ITPR2: variants seen among roughly 807,000 people sequenced by gnomAD.
The protein encoded by ITPR2 is inositol 1,4,5-trisphosphate-gated calcium channel ITPR2.
In ITPR2, 207 loss-of-function variants were observed where a neutral mutation model predicts 317.1. The ratio of observed to expected loss-of-function variants is 0.65; its 90% CI spans 0.58 to 0.73. The LOEUF is 0.73. Among genes scored for constraint, ITPR2 ranks in the 30% least tolerant of loss-of-function variants. ITPR2 has a pLI of 0.00. For synonymous variants in ITPR2, 1,156 were observed against 1,149.1 expected, an observed-to-expected ratio of 1.01 and a Z score of -0.12; for missense variants, 2,613 against 3,284.0, an observed-to-expected ratio of 0.80 and a Z score of 4.99.
intron 45 of ITPR2, among the ~76,000 whole-genome samples, chr12:26,473,117 C>T (rs1405002153): frequency 6.6e-6 from 1 of 152,194 alleles, no homozygotes; most frequent in African/African-American, 2.4e-5. Flanking sequence ...GAACTCCTGA[C>T]TTCAAGTGAT....
At chr12:26,693,948 G>T (rs1425901948) in intron 10 of ITPR2, among the ~76,000 whole-genome samples, 1 of 152,098 alleles carries the variant, frequency 6.6e-6, no homozygotes, top group Non-Finnish European at 1.5e-5. Context: ...TTACACAGGT[G>T]GGGAAACTGA....
In ITPR2 at chr12:26,831,064, C is replaced by T. The variant is rs947144310; in HGVS notation, c.92+1626G>A. 3.9e-5 allele frequency among the ~76,000 whole-genome samples: 6 copies of T among 152,144 alleles called. No homozygotes were observed. The highest frequency in any genetic ancestry group is 5.9e-5 in the Non-Finnish European group (4 of 68,022). ...TGGAACCCCCTCTGCTTAACTACTA[C>T]ATCACACACACACACCTGGAGAGTC... is the stretch of plus-strand genomic sequence containing the variant. On this transcript the variant is annotated intron_variant, in intron 1 of 56. Coordinates refer to ENST00000381340, the MANE Select transcript of ITPR2 (RefSeq NM_002223.4). This position sits in a 1 kb window ranked among gnomAD's most constrained non-coding sequence, Gnocchi z 4.9.
chr12:26,716,383 TC>T (rs1231824034), intron 5 of ITPR2, 141 bp from the exon 6 acceptor site: 2 of 586,410 alleles, frequency 3.4e-6, no homozygotes, highest in African/African-American at 3.7e-5. Flanking sequence ...TTTCATACAA[TC>T]CTTTTTCTCT....
intron 50 of ITPR2, among the ~76,000 whole-genome samples, chr12:26,418,065 T>C (rs908416477): frequency 6.6e-6 from 1 of 152,192 alleles, no homozygotes; most frequent in African/African-American, 2.4e-5. Flanking sequence ...TATAAGTTTA[T>C]ATGAAAACAT....
intron 45 of ITPR2, among the ~76,000 whole-genome samples, chr12:26,460,497 C>G (rs977473512): frequency 6.6e-6 from 1 of 151,662 alleles, no homozygotes; most frequent in African/African-American, 2.4e-5. Flanking sequence ...TAGGTTGGTA[C>G]CAGGAAAGTG....
intron 32 of ITPR2, among the ~76,000 whole-genome samples, chr12:26,582,309 C>A (rs1416250836): frequency 6.6e-6 from 1 of 152,004 alleles, no homozygotes; most frequent in Non-Finnish European, 1.5e-5. Flanking sequence ...TTTATTTTCT[C>A]TTTACAATAG....
chr12:26,576,242 A>G (rs1224044229), intron 34 of ITPR2, among the ~76,000 whole-genome samples: 3 of 150,938 alleles, frequency 2.0e-5, no homozygotes, highest in Non-Finnish European at 4.4e-5. Flanking sequence ...AAATTACATA[A>G]AAGTGTGAAG....
chr12:26,484,751 A>G (rs540168169), intron 41 of ITPR2, among the ~76,000 whole-genome samples: 253 of 152,160 alleles, frequency 1.7e-3, no homozygotes, highest in African/African-American at 5.7e-3. Context: ...TCACTCTATC[A>G]CCCAGGCTGG....
chr12:26,582,959 G>C (rs1210900519), intron 32 of ITPR2, among the ~76,000 whole-genome samples: 1 of 151,988 alleles, frequency 6.6e-6, no homozygotes, highest in Admixed American at 6.6e-5. Context: ...CCCTCTCCTT[G>C]TAGGGGCTTC....
chr12:26,665,307 T>A (rs1324910190), intron 14 of ITPR2, among the ~76,000 whole-genome samples: 1 of 152,206 alleles, frequency 6.6e-6, no homozygotes, highest in Non-Finnish European at 1.5e-5. Flanking sequence ...CTAGGAATTT[T>A]TCCAACATAT....
chr12:26,475,223 A>G, intron 45 of ITPR2, 73 bp downstream of exon 45: 10 of 1,551,562 alleles, frequency 6.4e-6, no homozygotes, highest in Non-Finnish European at 7.1e-6. Flanking sequence ...GAACTTGAAA[A>G]TATGACAAGC....
intron 36 of ITPR2, among the ~76,000 whole-genome samples, chr12:26,554,545 T>G (rs1248565485): frequency 1.3e-5 from 2 of 152,202 alleles, no homozygotes; most frequent in African/African-American, 4.8e-5. Flanking sequence ...TGAGCACTAC[T>G]GTATTTCAGT....
At chr12:26,781,479 T>C (rs1950075867) in intron 2 of ITPR2, among the ~76,000 whole-genome samples, 2 of 152,214 alleles carry the variant, frequency 1.3e-5, no homozygotes, top group South Asian at 4.1e-4. Flanking sequence ...CTTTATGTAA[T>C]AGTATTTGGG....
chr12:26,468,814 T>C (rs1942235015), intron 45 of ITPR2, among the ~76,000 whole-genome samples: 1 of 152,202 alleles, frequency 6.6e-6, no homozygotes, highest in East Asian at 1.9e-4. Flanking sequence ...TACAGAGTCA[T>C]TACAGTTATC....
chr12:26,780,734 G>A (rs1950061471), intron 2 of ITPR2, among the ~76,000 whole-genome samples: 1 of 152,192 alleles, frequency 6.6e-6, no homozygotes, highest in Non-Finnish European at 1.5e-5. Context: ...GAATCAAGGG[G>A]TGGAAATGGA....
chr12:26,624,394 T>C (rs759087631), intron 23 of ITPR2, 38 bp from the exon 24 acceptor site: 14 of 1,420,014 alleles, frequency 9.9e-6, no homozygotes, highest in Non-Finnish European at 5.9e-6. Flanking sequence ...CTTTATCCTA[T>C]TTTAATTAGG....
chr12:26,787,175 G>C (rs1950269582), intron 2 of ITPR2, among the ~76,000 whole-genome samples: 1 of 137,124 alleles, frequency 7.3e-6, no homozygotes, highest in Non-Finnish European at 1.6e-5. Context: ...GGAATTCTCT[G>C]GGACTCCAGC....
At chr12:26,756,859 T>C (rs531766725) in intron 2 of ITPR2, among the ~76,000 whole-genome samples, 1 of 152,304 alleles carries the variant, frequency 6.6e-6, no homozygotes, top group Admixed American at 6.5e-5. Flanking sequence ...CTGAGACCTA[T>C]TGGGCTGCAT....
chr12:26,572,054 T>A (rs920498239), intron 34 of ITPR2, among the ~76,000 whole-genome samples: 2 of 152,228 alleles, frequency 1.3e-5, no homozygotes, highest in African/African-American at 4.8e-5. Context: ...CAAAGTACTC[T>A]CTTGACTTTG....
Sources: allele counts gnomAD v4.1 joint callset (sites outside exome capture counted in the v4.1 genomes callset), GRCh38; gene constraint gnomAD v4.1.1; non-coding constraint Gnocchi (gnomAD v3.1); transcripts MANE v1.5; gene names NCBI Gene and HGNC (gene_info 2026-07-23, HGNC 2026-07-21).